Variants in YEATS2 observed in about 807,000 individuals in gnomAD.
The protein encoded by YEATS2 is YEATS domain-containing protein 2.
A neutral mutation model predicts 163.2 loss-of-function variants in YEATS2; 77 were observed. The observed-to-expected ratio is 0.47, with a 90% CI of 0.39 to 0.57. YEATS2 has a LOEUF of 0.57. Among genes scored for constraint, YEATS2 ranks in the 20% least tolerant of loss-of-function variants. The pLI is 0.00. For synonymous variants in YEATS2, 631 were observed against 645.1 expected (o/e 0.98, Z 0.33); for missense variants, 1,549 against 1,729.8 (o/e 0.90, Z 1.85).
At chr3:183,790,577 T>C (rs1022634103) in intron 20 of YEATS2, among the ~76,000 whole-genome samples, 6 of 152,222 alleles carry the variant, frequency 3.9e-5, no homozygotes, top group Admixed American at 3.9e-4. Flanking sequence ...GATACTTCCT[T>C]GTTTTAAATT....
At chr3:183,804,608 C>T (rs775339418) in intron 27 of YEATS2, among the ~76,000 whole-genome samples, 1 of 152,202 alleles carries the variant, frequency 6.6e-6, no homozygotes, top group Non-Finnish European at 1.5e-5. Context: ...ATCTCCAAAC[C>T]CAGCTCGGAG....
At chr3:183,731,924 CT>C (rs1462669322) in intron 7 of YEATS2, among the ~76,000 whole-genome samples, 1 of 152,150 alleles carries the variant, frequency 6.6e-6, no homozygotes, top group Non-Finnish European at 1.5e-5. Flanking sequence ...GCAAACCAAA[CT>C]TTATTAACAA....
intron 9 of YEATS2, among the ~76,000 whole-genome samples, chr3:183,750,116 G>A (rs191684656): frequency 3.9e-5 from 6 of 152,024 alleles, no homozygotes; most frequent in South Asian, 4.2e-4. Context: ...GAGCCACCGC[G>A]CCCGGCCTAC....
intron 1 of YEATS2, among the ~76,000 whole-genome samples, chr3:183,700,091 A>C (rs1237877248): frequency 6.6e-6 from 1 of 151,998 alleles, no homozygotes; most frequent in African/African-American, 2.4e-5. Flanking sequence ...CTGTTTGTGA[A>C]TTTCTTTTCC....
At chr3:183,729,765 GT>G (rs1436953932) in intron 7 of YEATS2, among the ~76,000 whole-genome samples, 1 of 151,706 alleles carries the variant, frequency 6.6e-6, no homozygotes. Context: ...TCTGCTTCAG[GT>G]TCAACCTCTG....
intron 1 of YEATS2, among the ~76,000 whole-genome samples, chr3:183,712,247 G>A (rs1715351847): frequency 1.1e-5 from 1 of 91,044 alleles, no homozygotes; most frequent in Admixed American, 1.2e-4. Context: ...GTCTCACCCT[G>A]TCTCCCAGGC....
At chr3:183,772,203 G>A in intron 15 of YEATS2, 102 bp from the exon 16 acceptor site, 2 of 1,510,094 alleles carry the variant, frequency 1.3e-6, no homozygotes, top group African/African-American at 1.4e-5. Context: ...GAATTAGGCT[G>A]CATGTATTAT....
chr3:183,750,955 A>T (rs1720096545), intron 9 of YEATS2, among the ~76,000 whole-genome samples: 2 of 152,042 alleles, frequency 1.3e-5, no homozygotes. Flanking sequence ...TTTAAGTTTG[A>T]TGTCCCGTTT....
At chr3:183,750,469 A>G (rs57671106) in intron 9 of YEATS2, among the ~76,000 whole-genome samples, 44 of 152,244 alleles carry the variant, frequency 2.9e-4, no homozygotes, top group African/African-American at 9.9e-4. Flanking sequence ...GCTGGATCCT[A>G]TGGTAATTCT....
intron 12 of YEATS2, among the ~76,000 whole-genome samples, chr3:183,758,444 A>G (rs1158300151): frequency 2.0e-5 from 3 of 152,236 alleles, no homozygotes; most frequent in Non-Finnish European, 4.4e-5. Flanking sequence ...CAGAATGCAT[A>G]TATTCTGGCA....
Position 183,801,494 on chromosome 3 carries a change from A to G in YEATS2, c.3468A>G (p.Ala1156=), listed in dbSNP as rs1454031214. 6.2e-7 allele frequency: 1 copy of G among 1,611,292 alleles called. No homozygotes were observed. Among genetic ancestry groups the G allele is most frequent in the Admixed American group, 1.7e-5 (1 of 59,706 alleles). The part of the protein sequence containing the change: ...HLETIQQLLT[A]VVKKIPLITA... ...AAACTATCCAGCAACTCCTAACTGC[A>G]GTAGTAAAGAAGATTCCATTAATCA... Residue 1156 remains alanine, a synonymous_variant, in exon 25 of 31, where the codon GCA becomes GCG. Coordinates refer to ENST00000305135, the MANE Select transcript of YEATS2 (RefSeq NM_018023.5).
intron 1 of YEATS2, among the ~76,000 whole-genome samples, chr3:183,699,986 C>T (rs147647585): frequency 1.0e-3 from 152 of 152,154 alleles, no homozygotes; most frequent in African/African-American, 3.5e-3. Flanking sequence ...TTCCATCTGC[C>T]CCAAAACTAA....
At chr3:183,731,910 C>T (rs927889533) in intron 7 of YEATS2, among the ~76,000 whole-genome samples, 1 of 152,198 alleles carries the variant, frequency 6.6e-6, no homozygotes, top group Non-Finnish European at 1.5e-5. Flanking sequence ...ATACTTTTCC[C>T]ATAGCAAACC....
intron 19 of YEATS2, among the ~76,000 whole-genome samples, chr3:183,784,965 C>G (rs922878819): frequency 6.6e-6 from 1 of 151,710 alleles, no homozygotes; most frequent in Non-Finnish European, 1.5e-5. Flanking sequence ...CGCAGCTACT[C>G]GGGAGGCTGA....
intron 28 of YEATS2, 39 bp downstream of exon 28, chr3:183,807,131 G>C (rs1440748377): frequency 1.3e-6 from 2 of 1,565,004 alleles, no homozygotes; most frequent in Admixed American, 3.6e-5. Flanking sequence ...CAGCAGACCA[G>C]CTCAGAGCTA....
At chr3:183,794,958 T>C (rs1724997825) in intron 21 of YEATS2, among the ~76,000 whole-genome samples, 1 of 151,316 alleles carries the variant, frequency 6.6e-6, no homozygotes, top group Admixed American at 6.6e-5. Context: ...TTGCTTGAGC[T>C]TGGGAGTTTG....
At chr3:183,797,007 G>A (rs1189969712) in intron 21 of YEATS2, among the ~76,000 whole-genome samples, 3 of 152,082 alleles carry the variant, frequency 2.0e-5, no homozygotes, top group South Asian at 2.1e-4. Flanking sequence ...GGTAGCTCAC[G>A]CCTGTAATCC....
chr3:183,719,925 C>T (rs1048220163), intron 4 of YEATS2, among the ~76,000 whole-genome samples: 8 of 152,046 alleles, frequency 5.3e-5, no homozygotes, highest in African/African-American at 9.7e-5. Context: ...CCTGACTTTT[C>T]GGAGAAACCA....
At chr3:183,764,868 A>C (rs1721746249) in intron 15 of YEATS2, among the ~76,000 whole-genome samples, 1 of 152,154 alleles carries the variant, frequency 6.6e-6, no homozygotes. Flanking sequence ...AAGTTTATTA[A>C]CGACTTTCTC....
Sources: allele counts gnomAD v4.1 joint callset (sites outside exome capture counted in the v4.1 genomes callset), GRCh38; gene constraint gnomAD v4.1.1; transcripts MANE v1.5; gene names NCBI Gene and HGNC (gene_info 2026-07-23, HGNC 2026-07-21).